CLCN7: variants seen among roughly 807,000 people sequenced by gnomAD.
CLCN7 encodes the protein H(+)/Cl(-) exchange transporter 7.
A neutral mutation model predicts 102.1 loss-of-function variants in CLCN7; 60 were observed. The observed-to-expected ratio is 0.59, with a 90% confidence interval of 0.48 to 0.73. CLCN7 has a LOEUF of 0.73. Among genes scored for constraint, CLCN7 ranks in the 30% least tolerant of loss-of-function variants. The probability of loss-of-function intolerance (pLI) is 0.00; values close to 1 mark genes in which losing one functional copy is unlikely to be tolerated. For missense variants in CLCN7, 962 were observed against 1,125.7 expected (o/e 0.85, Z 2.08); for synonymous variants, 560 against 490.5 (o/e 1.14, Z -1.87).
rs141913981 is a variant in CLCN7 at position 1,470,322 on chromosome 16, T to C, written c.141+4512A>G. 8.1e-3 allele frequency among the ~76,000 whole-genome samples: 1,238 copies of C among 152,322 alleles called. 7 individuals carry two copies. The highest frequency in any genetic ancestry group is 0.017 in the South Asian group (84 of 4,826). On this transcript the variant is annotated intron_variant, in intron 1 of 24. Coordinates refer to ENST00000382745, the MANE Select transcript of CLCN7 (RefSeq NM_001287.6). ...CAAAATGGTAAATTTATGGTATGTG[T>C]TCTTTACCACAGTTTTTTTTAAAAC...
Position 1,452,789 on chromosome 16 carries a change from G to C in CLCN7, c.1319C>G (p.Pro440Arg). ...GTAGGACATGGAGCCCCCCTGCAGG[G>C]GCTGGCAATCCCGCGACGAGTAGAT... ...VLIYSSRDCQ[P>R]LQGGSMSYPL... Residue 440 changes from proline to arginine, a missense_variant, in exon 15 of 25, where the codon CCC (proline) becomes CGC (arginine). Physicochemically the swap from Pro to Arg is moderately radical, Grantham distance 103 (BLOSUM62 -2). Coordinates refer to ENST00000382745, the MANE Select transcript of CLCN7 (RefSeq NM_001287.6). 1 of 1,605,870 alleles carries C rather than the reference G, an allele frequency of 6.2e-7. No homozygotes were observed. Among genetic ancestry groups the C allele is most frequent in the Non-Finnish European group, 8.5e-7 (1 of 1,176,802 alleles).
chr16:1,458,760 G>A (rs2038878423), intron 7 of CLCN7, among the ~76,000 whole-genome samples: 1 of 152,222 alleles, frequency 6.6e-6, no homozygotes, highest in Non-Finnish European at 1.5e-5. Context: ...CTGAAAGCGG[G>A]AAACTGCTAC....
Position 1,457,847 on chromosome 16 carries a change from G to A in CLCN7, c.676-91C>T, listed in dbSNP as rs1242012771. 1 of 1,318,064 alleles carries A rather than the reference G, an allele frequency of 7.6e-7. No individual in the cohort carries two copies. The highest frequency in any genetic ancestry group is 1.4e-5 in the African/African-American group (1 of 69,182). The allele number at this position is 1,318,064 out of a possible 1,614,324, so 81.6% of individuals were successfully genotyped here. A position where few individuals can be genotyped will look rare whatever the true frequency, so the allele number is the denominator to read the frequency against. ...AAAACAGCACACACAGCCCCGATCA[G>A]GCAGAGTGGCTGGGACACGGGGCCT... On this transcript the variant is annotated intron_variant, in intron 7 of 24. Transcript: ENST00000382745. The surrounding 1 kb of genome is among the most constrained non-coding windows in gnomAD (Gnocchi z 5.4).
rs936755556 is a variant in CLCN7 at position 1,451,686 on chromosome 16, T to C, written c.1384A>G (p.Met462Val). ...LFCADGEYNS[M>V]AAAFFNTPEK... ...GGGGTGTTGAAGAAGGCCGCAGCCA[T>C]GGAGTTGTACTCGCCATCTGCACAA... Residue 462 changes from methionine (M) to valine (V), a missense_variant, in exon 16 of 25, where the codon ATG (methionine) becomes GTG (valine). This residue lies in a region of CLCN7 where 799 missense variants were observed against 988.0 expected (regional missense o/e 0.81). Transcript: ENST00000382745. The C allele has an allele frequency of 2.3e-5, 37 of 1,612,672 alleles. No individual in the cohort carries two copies. The Admixed American group carries it at 4.3e-4, about 19-fold the overall frequency.
Position 1,474,864 on chromosome 16 carries a change from C to T in CLCN7, c.111G>A (p.Leu37=). 4.9e-6 allele frequency: 7 copies of T among 1,441,794 alleles called. No individual in the cohort carries two copies. In the South Asian group the frequency reaches 8.0e-5, roughly 17 times the overall value. 89.3% of individuals were successfully genotyped at this position (1,441,794 alleles called of 1,614,324 possible). A position where few individuals can be genotyped will look rare whatever the true frequency, so the allele number is the denominator to read the frequency against. The change falls in exon 1 of 25, where the codon CTG becomes CTA. Residue 37 remains leucine, a synonymous_variant. Coordinates refer to ENST00000382745, the MANE Select transcript of CLCN7 (RefSeq NM_001287.6). ...TARPGGGTPL[L]NGAGPGAARQ... ...GCGCAGCCCCAGGCCCAGCCCCGTT[C>T]AGCAGCGGCGTCCCCCCGCCGGGCC...
rs2038775752 is a variant in CLCN7 at position 1,452,874 on chromosome 16, G to C, written c.1234C>G (p.Leu412Val). ...FRIRYIHRPC[L>V]QVIEAVLVAA... ...ACCAGCACGGCCTCAATCACCTGCA[G>C]GCAGGGCCGGTGGATGTACCTGGAA... is the stretch of plus-strand genomic sequence containing the variant. The change falls in exon 15 of 25, where the codon CTG (leucine) becomes GTG (valine). Residue 412 changes from leucine to valine, a missense_variant. Physicochemically the swap from Leu to Val is conservative, Grantham distance 32. Coordinates refer to ENST00000382745, the MANE Select transcript of CLCN7 (RefSeq NM_001287.6). The C allele has an allele frequency of 6.4e-7, 1 of 1,572,860 alleles. No homozygotes were observed. The highest frequency in any genetic ancestry group is 1.2e-5 in the South Asian group (1 of 86,326).
chr16:1,448,677 G>A lies in CLCN7; in HGVS notation c.1883+4C>T, dbSNP rs1305522217. Reference sequence around the variant, plus strand: ...CCCACCCACAGGTGTCCTGGGCGCTGTACCTGGCAGTGAGTGAGTGTGAGG... The same window carrying A: ...CCCACCCACAGGTGTCCTGGGCGCTATACCTGGCAGTGAGTGAGTGTGAGG... On this transcript the variant is annotated splice_donor_region_variant and intron_variant, in intron 20 of 24. Transcript: ENST00000382745. The A allele has an allele frequency of 1.2e-6, 2 of 1,612,624 alleles. No individual in the cohort carries two copies. The highest frequency in any genetic ancestry group is 1.7e-6 in the Non-Finnish European group (2 of 1,179,956).
intron 15 of CLCN7, 117 bp downstream of exon 15, chr16:1,452,638 T>C (rs961398894): frequency 6.3e-6 from 7 of 1,111,594 alleles, no homozygotes; most frequent in Admixed American, 2.2e-5. Flanking sequence ...CGCCAGCCCA[T>C]GCGCTTCTGG....
At chr16:1,460,773 A>C (rs761569874) in intron 5 of CLCN7, 43 bp downstream of exon 5, 3 of 1,613,332 alleles carry the variant, frequency 1.9e-6, no homozygotes, top group South Asian at 1.1e-5. Flanking sequence ...GGCCCAGGCC[A>C]CGCCCCCCTC....
Position 1,457,201 on chromosome 16 carries a change from C to A in CLCN7, c.822+53G>T. The A allele has an allele frequency of 6.7e-7, 1 of 1,490,604 alleles. No homozygotes were observed. Among genetic ancestry groups the A allele is most frequent in the Non-Finnish European group, 9.4e-7 (1 of 1,067,918 alleles). 92.3% of individuals were successfully genotyped at this position (1,490,604 alleles called of 1,614,324 possible). A position where few individuals can be genotyped will look rare whatever the true frequency, so the allele number is the denominator to read the frequency against. ...GGAAGCCCATCTCCCTGAGTGGTGC[C>A]CGTGCCCGTGCCCATGGCATCTGGA... On this transcript the variant is annotated intron_variant, in intron 9 of 24. Coordinates refer to ENST00000382745, the MANE Select transcript of CLCN7 (RefSeq NM_001287.6). The surrounding 1 kb of genome is among the most constrained non-coding windows in gnomAD (Gnocchi z 5.4).
rs149342764 is a variant in CLCN7 at position 1,462,570 on chromosome 16, T to G, written c.214-896A>C. On this transcript the variant is annotated intron_variant, in intron 2 of 24. Coordinates refer to ENST00000382745, the MANE Select transcript of CLCN7 (RefSeq NM_001287.6). ...TTTGTATCTTTAGTAGAGACGGGGT[T>G]TCACCATGTTGGCCAGGCTGGTCTC... Among the ~76,000 whole-genome samples the G allele has an allele frequency of 9.5e-3, 1,429 of 150,104 alleles. 10 individuals are homozygous for G. Among genetic ancestry groups the G allele is most frequent in the Non-Finnish European group, 0.014 (956 of 67,692 alleles).
At chr16:1,447,234 G>A in intron 23 of CLCN7, 148 bp from the exon 24 acceptor site, 1 of 1,147,146 alleles carries the variant, frequency 8.7e-7, no homozygotes, top group South Asian at 1.4e-5. Context: ...TCAGCCCCTT[G>A]ACTTCAGCTC....
chr16:1,472,811 C>T (rs868776354), intron 1 of CLCN7: 3 of 141,718 alleles, frequency 2.1e-5, no homozygotes, highest in Middle Eastern at 7.1e-3. Flanking sequence ...CAAACTACCT[C>T]GGAAAAAAAA....
chr16:1,465,075 G>A (rs1001243741), intron 2 of CLCN7, among the ~76,000 whole-genome samples, 192 bp downstream of exon 2: 1 of 152,040 alleles, frequency 6.6e-6, no homozygotes, highest in South Asian at 2.1e-4. Context: ...GCACTCCTCC[G>A]TCTGAGAGCA....
At chr16:1,467,927 A>G (rs943756631) in intron 1 of CLCN7, 3 of 152,134 alleles carry the variant, frequency 2.0e-5, no homozygotes, top group African/African-American at 7.2e-5. Context: ...TCTACAAAAA[A>G]TCAAAATCAG....
chr16:1,447,936 G>A (rs1476219455), intron 21 of CLCN7, among the ~76,000 whole-genome samples: 3 of 152,216 alleles, frequency 2.0e-5, no homozygotes, highest in Non-Finnish European at 4.4e-5. Context: ...GCCTGACCGC[G>A]CACAGCAGAG....
chr16:1,448,951 G>A lies in CLCN7; in HGVS notation c.1797+15C>T, dbSNP rs367688658. ...ACCCACGCTCTCAGGGTGAGGCTTC[G>A]AGGCCCTGGCGCACCTCAATGAAGA... On this transcript the variant is annotated intron_variant, in intron 19 of 24. Transcript: ENST00000382745. The A allele has an allele frequency of 4.1e-5, 66 of 1,611,890 alleles. No homozygotes were observed. Among genetic ancestry groups the A allele is most frequent in the South Asian group, 5.5e-5 (5 of 91,072 alleles).
intron 5 of CLCN7, 56 bp from the exon 6 acceptor site, chr16:1,460,583 C>A (rs2038919654): frequency 1.4e-6 from 2 of 1,433,732 alleles, no homozygotes; most frequent in Non-Finnish European, 2.0e-6. Context: ...CCAGCCCAGA[C>A]CTCAGCCCTG....
At position 1,459,108 on chromosome 16, in the gene CLCN7, T is replaced by G. The variant is rs1352884655; in HGVS notation, c.674A>C (p.Lys225Thr). 1.7e-5 allele frequency: 27 copies of G among 1,609,558 alleles called. No individual in the cohort carries two copies. Among genetic ancestry groups the G allele is most frequent in the Non-Finnish European group, 2.2e-5 (26 of 1,177,092 alleles). Residue 225 changes from lysine (K) to threonine (T), a missense_variant and splice_region_variant, in exon 7 of 25, where the codon AAG (lysine) becomes ACG (threonine). Physicochemically the swap from Lys to Thr is moderately conservative, Grantham distance 78. Around this residue, in one of 2 missense-constraint regions of CLCN7, gnomAD observed 799 missense variants for 988.0 expected, o/e 0.81. Coordinates refer to ENST00000382745, the MANE Select transcript of CLCN7 (RefSeq NM_001287.6). ...CAGCCAGGGCCACCGCACCCTCACC[T>G]TGAGCCGCACCACGTGGGGGATCTT... ...GVKIPHVVRL[K>T]TLVIKVSGVI... is the part of the protein sequence containing the mutation.
Sources: gnomAD v4.1 joint callset for allele counts (sites outside exome capture counted in the v4.1 genomes callset) on GRCh38, gnomAD v4.1.1 for gene constraint, gnomAD v4.1.1 regional missense constraint, Gnocchi (gnomAD v3.1) non-coding constraint, MANE v1.5 for transcripts, NCBI Gene and HGNC (gene_info 2026-07-23, HGNC 2026-07-21) for gene names.